Variants in PXDNL observed in about 807,000 individuals in gnomAD.
PXDNL encodes peroxidasin like.
PXDNL carries 145 observed loss-of-function variants against 150.8 expected under a neutral mutation model. That is an observed-to-expected ratio of 0.96 (90% CI 0.84 to 1.10). The LOEUF is 1.10. Ranked by LOEUF, PXDNL falls within the 50% of genes least tolerant of loss-of-function variation. The pLI is 0.00. For synonymous variants in PXDNL, 757 were observed against 725.7 expected, an observed-to-expected ratio of 1.04 and a Z score of -0.69; for missense variants, 2,087 against 1,873.9, an observed-to-expected ratio of 1.11 and a Z score of -2.10.
intron 5 of PXDNL, among the ~76,000 whole-genome samples, chr8:51,496,454 A>G (rs1811053940): frequency 6.6e-6 from 1 of 152,200 alleles, no homozygotes; most frequent in African/African-American, 2.4e-5. Context: ...AGAAGGAAAT[A>G]AAGGGTATTC....
At chr8:51,740,919 T>C (rs1292384347) in intron 1 of PXDNL, among the ~76,000 whole-genome samples, 2 of 152,230 alleles carry the variant, frequency 1.3e-5, no homozygotes, top group Non-Finnish European at 1.5e-5. Flanking sequence ...GCCTGAAGTT[T>C]CCTTCTTTTG....
chr8:51,384,148 T>C (rs557243341), intron 17 of PXDNL, among the ~76,000 whole-genome samples: 1 of 152,268 alleles, frequency 6.6e-6, no homozygotes, highest in Admixed American at 6.5e-5. Flanking sequence ...AAAATATATT[T>C]GAAACATGTC....
At chr8:51,795,169 G>T (rs960021420) in intron 1 of PXDNL, among the ~76,000 whole-genome samples, 5 of 152,166 alleles carry the variant, frequency 3.3e-5, no homozygotes, top group Non-Finnish European at 5.9e-5. Flanking sequence ...CCTACAAAGG[G>T]ACTTAGACTC....
intron 1 of PXDNL, among the ~76,000 whole-genome samples, chr8:51,774,855 C>T (rs945277225): frequency 6.6e-6 from 1 of 151,986 alleles, no homozygotes; most frequent in Non-Finnish European, 1.5e-5. Flanking sequence ...AAATAATTCC[C>T]CTATGTTGTT....
Position 51,559,406 on chromosome 8 carries a change from A to T in PXDNL, c.309-2495T>A, listed in dbSNP as rs547480357. Among the ~76,000 whole-genome samples the T allele has an allele frequency of 4.1e-4, 60 of 145,700 alleles. 1 individual carries two copies. The South Asian group carries it at 4.2e-3, about 10-fold the overall frequency. ...AGGGACAGTTTCATTAACACCAGTC[A>T]CACAGCTTCCCGTTTCCCATAGGAT... is the stretch of plus-strand genomic sequence containing the variant. On this transcript the variant is annotated intron_variant, in intron 3 of 22. Coordinates refer to ENST00000356297, the MANE Select transcript of PXDNL (RefSeq NM_144651.5).
At chr8:51,490,399 T>C (rs900039226) in intron 5 of PXDNL, among the ~76,000 whole-genome samples, 1 of 151,940 alleles carries the variant, frequency 6.6e-6, no homozygotes, top group Non-Finnish European at 1.5e-5. Flanking sequence ...GGAAAAACGT[T>C]GAATATCTGA....
intron 1 of PXDNL, among the ~76,000 whole-genome samples, chr8:51,765,505 TTTTCC>T (rs1181056917): frequency 1.3e-5 from 2 of 152,200 alleles, no homozygotes; most frequent in African/African-American, 4.8e-5. Context: ...TATTTCATTC[TTTTCC>T]TTTCAACTTA....
At chr8:51,404,095 G>A (rs1466938786) in intron 17 of PXDNL, among the ~76,000 whole-genome samples, 1 of 152,162 alleles carries the variant, frequency 6.6e-6, no homozygotes, top group Middle Eastern at 3.2e-3. Flanking sequence ...TGGGTTCATG[G>A]TCTCGCTGGC....
At chr8:51,792,898 T>C (rs552683361) in intron 1 of PXDNL, among the ~76,000 whole-genome samples, 1 of 152,306 alleles carries the variant, frequency 6.6e-6, no homozygotes, top group Admixed American at 6.5e-5. Context: ...ACTTAGTCTT[T>C]ACCCCTGAGG....
intron 21 of PXDNL, among the ~76,000 whole-genome samples, chr8:51,331,853 T>G (rs1805698591): frequency 6.6e-6 from 1 of 152,068 alleles, no homozygotes; most frequent in Non-Finnish European, 1.5e-5. Context: ...AAGGAGAGTC[T>G]AAGCTCACAC....
At chr8:51,387,481 A>T (rs1807753880) in intron 17 of PXDNL, among the ~76,000 whole-genome samples, 1 of 152,114 alleles carries the variant, frequency 6.6e-6, no homozygotes, top group South Asian at 2.1e-4. Flanking sequence ...GTAGGAAAAA[A>T]TCCTGAGAGA....
intron 1 of PXDNL, among the ~76,000 whole-genome samples, chr8:51,676,528 T>C (rs1381335642): frequency 6.6e-6 from 1 of 151,998 alleles, no homozygotes; most frequent in African/African-American, 2.4e-5. Context: ...CTGCCCGCCC[T>C]GGCCTCCCAA....
chr8:51,608,401 A>G (rs1163329863), intron 2 of PXDNL, among the ~76,000 whole-genome samples: 1 of 134,978 alleles, frequency 7.4e-6, no homozygotes, highest in Non-Finnish European at 1.5e-5. Context: ...AAAAAAAAAA[A>G]AAGAAAGAAA....
rs59841822 is a variant in PXDNL at position 51,624,099 on chromosome 8, C to CAAAAA, written c.236+30585_236+30589dup. Among the ~76,000 whole-genome samples the CAAAAA allele has an allele frequency of 8.2e-4, 65 of 79,588 alleles. 2 individuals are homozygous for CAAAAA. The highest frequency in any genetic ancestry group is 4.8e-3 in the East Asian group (11 of 2,282). 52.2% of individuals were successfully genotyped at this position (79,588 alleles called of 152,430 possible). A position where few individuals can be genotyped will look rare whatever the true frequency, so the allele number is the denominator to read the frequency against. ...CAGGGCAAGACCCTGTCTCAAATTA[C>CAAAAA]AAAAAAAAAAAAAAAAAAAAAAAAT... On this transcript the variant is annotated intron_variant, in intron 2 of 22. Coordinates refer to ENST00000356297, the MANE Select transcript of PXDNL (RefSeq NM_144651.5).
chr8:51,396,006 A>C (rs1008905846), intron 17 of PXDNL, among the ~76,000 whole-genome samples: 1 of 152,168 alleles, frequency 6.6e-6, no homozygotes, highest in Non-Finnish European at 1.5e-5. Context: ...CTAATTTATG[A>C]CTACTTACAC....
Position 51,443,347 on chromosome 8 carries a change from T to TC in PXDNL, c.1525+3656dup, listed in dbSNP as rs976980389. Among the ~76,000 whole-genome samples, 15 of 152,276 alleles carry TC rather than the reference T, an allele frequency of 9.9e-5. No homozygotes were observed. The South Asian group carries it at 1.5e-3, about 15-fold the overall frequency. Reference sequence around the variant, plus strand: ...GATACGAAAAAAGCCAGCTCTTTTTTCATTATGTTTTCATAATGCTCTGAA... The same window carrying TC: ...GATACGAAAAAAGCCAGCTCTTTTTTCCATTATGTTTTCATAATGCTCTGAA... On this transcript the variant is annotated intron_variant, in intron 12 of 22. Transcript: ENST00000356297.
intron 1 of PXDNL, among the ~76,000 whole-genome samples, chr8:51,757,066 T>C (rs550813649): frequency 1.3e-5 from 2 of 152,352 alleles, no homozygotes; most frequent in African/African-American, 4.8e-5. Context: ...GTATCAGGTA[T>C]ACTTTTCTCT....
chr8:51,383,415 C>T (rs538857085), intron 17 of PXDNL, among the ~76,000 whole-genome samples: 5 of 152,228 alleles, frequency 3.3e-5, no homozygotes, highest in Non-Finnish European at 5.9e-5. Flanking sequence ...AGATGGCATC[C>T]GAGGGCATTG....
chr8:51,450,661 G>A (rs909924937), intron 10 of PXDNL, among the ~76,000 whole-genome samples: 1 of 152,126 alleles, frequency 6.6e-6, no homozygotes, highest in South Asian at 2.1e-4. Context: ...ACTAAATATG[G>A]TATAAAATAA....
Sources: gnomAD v4.1 joint callset for allele counts (sites outside exome capture counted in the v4.1 genomes callset) on GRCh38, gnomAD v4.1.1 for gene constraint, MANE v1.5 for transcripts, NCBI Gene and HGNC (gene_info 2026-07-23, HGNC 2026-07-21) for gene names.